Variants in VGLL3 observed in about 807,000 individuals in gnomAD.
VGLL3 encodes the protein transcription cofactor vestigial-like protein 3.
In VGLL3, 18 loss-of-function variants were observed where a neutral mutation model predicts 29.2. That is an observed-to-expected ratio of 0.62 (90% CI 0.43 to 0.91). The LOEUF is 0.91. Ranked by LOEUF, VGLL3 falls within the 40% of genes least tolerant of loss-of-function variation. VGLL3 has a pLI of 0.00. For synonymous variants in VGLL3, 180 were observed against 151.8 expected (o/e 1.19, Z -1.36); for missense variants, 440 against 413.2 (o/e 1.06, Z -0.56).
intron 1 of VGLL3, among the ~76,000 whole-genome samples, chr3:86,988,597 T>A (rs1216496508): frequency 8.7e-5 from 12 of 138,368 alleles, no homozygotes; most frequent in Non-Finnish European, 1.7e-4. Flanking sequence ...TTTTTTTTTT[T>A]ATTTCGTTAG....
At chr3:86,958,377 C>T (rs2106984881) in intron 3 of VGLL3, among the ~76,000 whole-genome samples, 1 of 152,290 alleles carries the variant, frequency 6.6e-6, no homozygotes, top group Admixed American at 6.5e-5. Flanking sequence ...ATGGCAGTTT[C>T]TCTTACCAAG....
In VGLL3 at chr3:86,991,041, C is replaced by G. The variant is rs937823922; in HGVS notation, c.-298G>C. On this transcript the variant is annotated 5_prime_UTR_variant, in exon 1 of 4. Transcript: ENST00000398399. ...GCCCGCTGCGCCGCTGGGGCATTACCGCGTCCGGCTCCCGCGAGGGCTGCG... is the reference window on the plus strand; with the variant it reads ...GCCCGCTGCGCCGCTGGGGCATTACGGCGTCCGGCTCCCGCGAGGGCTGCG... The G allele has an allele frequency of 8.8e-6, 6 of 678,408 alleles. No individual in the cohort carries two copies. The highest frequency in any genetic ancestry group is 6.6e-5 in the South Asian group (1 of 15,228). 42.0% of individuals were successfully genotyped at this position (678,408 alleles called of 1,614,324 possible).
chr3:86,990,622 T>C lies in VGLL3; in HGVS notation c.122A>G (p.Gln41Arg), dbSNP rs769121614. 7 of 1,357,466 alleles carry C rather than the reference T, an allele frequency of 5.2e-6. No individual in the cohort carries two copies. Among genetic ancestry groups the C allele is most frequent in the Non-Finnish European group, 6.7e-6 (7 of 1,045,898 alleles). The allele number at this position is 1,357,466 out of a possible 1,614,324, so 84.1% of individuals were successfully genotyped here. A position where few individuals can be genotyped will look rare whatever the true frequency, so the allele number is the denominator to read the frequency against. Residue 41 changes from glutamine (Q) to arginine (R), a missense_variant, in exon 1 of 4, where the codon CAG becomes CGG. Gln to Arg is a conservative substitution (Grantham distance 43). Transcript: ENST00000398399. Reference sequence around the variant, plus strand: ...GCTGCCCGTCCGGTGACTCACCTGCTGGCCAGGTTGGGGCGCCGGCTGATA... The same window carrying C: ...GCTGCCCGTCCGGTGACTCACCTGCCGGCCAGGTTGGGGCGCCGGCTGATA... The part of the protein sequence containing the change: ...AYYQPAPQPG[Q>R]QKKLAVFSKM...
intron 1 of VGLL3, among the ~76,000 whole-genome samples, chr3:86,981,583 T>C (rs1705324926): frequency 6.6e-6 from 1 of 152,014 alleles, no homozygotes; most frequent in Non-Finnish European, 1.5e-5. Context: ...TTAAAATATT[T>C]ATACTGATTC....
intron 2 of VGLL3, among the ~76,000 whole-genome samples, chr3:86,971,197 T>G (rs1332153486): frequency 6.6e-6 from 1 of 152,224 alleles, no homozygotes; most frequent in Non-Finnish European, 1.5e-5. Context: ...CATAGTTTTC[T>G]TGCCTCAGGG....
At chr3:86,976,976 C>T (rs986971617) in intron 2 of VGLL3, among the ~76,000 whole-genome samples, 1 of 152,156 alleles carries the variant, frequency 6.6e-6, no homozygotes, top group East Asian at 1.9e-4. Flanking sequence ...TTATTCATCA[C>T]GTCCTGTTAA....
At chr3:86,983,966 A>G (rs1021645095) in intron 1 of VGLL3, among the ~76,000 whole-genome samples, 1 of 152,212 alleles carries the variant, frequency 6.6e-6, no homozygotes, top group Non-Finnish European at 1.5e-5. Context: ...TTTACAAAGC[A>G]TGTACCCAGA....
intron 3 of VGLL3, among the ~76,000 whole-genome samples, chr3:86,947,561 G>C (rs1255748659): frequency 6.6e-6 from 1 of 152,054 alleles, no homozygotes; most frequent in East Asian, 1.9e-4. Flanking sequence ...TAAACTATGT[G>C]AGCAATTAGA....
intron 3 of VGLL3, among the ~76,000 whole-genome samples, chr3:86,949,575 T>C (rs903781547): frequency 4.6e-5 from 7 of 151,812 alleles, no homozygotes; most frequent in Admixed American, 3.9e-4. Flanking sequence ...GTCTGTAATC[T>C]CAGCACTTTG....
intron 3 of VGLL3, among the ~76,000 whole-genome samples, chr3:86,960,768 G>A (rs1373261135): frequency 6.6e-6 from 1 of 151,882 alleles, no homozygotes; most frequent in East Asian, 1.9e-4. Flanking sequence ...TTTGGGGCCA[G>A]CTCATATAAT....
Position 86,945,854 on chromosome 3 carries a change from A to G in VGLL3, c.*1170T>C, listed in dbSNP as rs753935838. 1 of 151,016 alleles carries G rather than the reference A, an allele frequency of 6.6e-6. No individual in the cohort carries two copies. The highest frequency in any genetic ancestry group is 1.5e-5 in the Non-Finnish European group (1 of 67,978). The allele number at this position is 151,016 out of a possible 1,614,324, so 9.4% of individuals were successfully genotyped here. ...GTTCTGTGTTGAAACTATTATATAT[A>G]GAACTGTTTGTTTGTTTGTTTGTTT... On this transcript the variant is annotated 3_prime_UTR_variant, in exon 4 of 4. Coordinates refer to ENST00000398399, the MANE Select transcript of VGLL3 (RefSeq NM_016206.4).
At position 86,941,518 on chromosome 3, in the gene VGLL3, A is replaced by C. The variant is rs1323843573; in HGVS notation, c.*5506T>G. 2 of 152,074 alleles carry C rather than the reference A, an allele frequency of 1.3e-5. No homozygotes were observed. The highest frequency in any genetic ancestry group is 2.9e-5 in the Non-Finnish European group (2 of 67,962). The allele number at this position is 152,074 out of a possible 1,614,324, so 9.4% of individuals were successfully genotyped here. On this transcript the variant is annotated 3_prime_UTR_variant, in exon 4 of 4. Coordinates refer to ENST00000398399, the MANE Select transcript of VGLL3 (RefSeq NM_016206.4). ...CTAAAAGGTGTCTGTTTGCTTATAC[A>C]ATGGAATTGGTAAAAGTACACTTAT...
At chr3:86,962,704 A>G in intron 3 of VGLL3, 5 of 801,186 alleles carry the variant, frequency 6.2e-6, no homozygotes, top group Non-Finnish European at 7.6e-6. Context: ...AAGAGAATTA[A>G]ACACACATTT....
chr3:86,978,439 C>T, intron 2 of VGLL3, 87 bp downstream of exon 2: 1 of 1,446,978 alleles, frequency 6.9e-7, no homozygotes, highest in East Asian at 2.3e-5. Flanking sequence ...TATCCATCCT[C>T]AGGGGCAAGT....
chr3:86,978,100 A>T (rs1460179358), intron 2 of VGLL3, among the ~76,000 whole-genome samples: 2 of 152,222 alleles, frequency 1.3e-5, no homozygotes, highest in Non-Finnish European at 2.9e-5. Context: ...ACAGCTTTCA[A>T]TGTCTGTATT....
chr3:86,954,878 C>T (rs542664924), intron 3 of VGLL3, among the ~76,000 whole-genome samples: 29 of 145,544 alleles, frequency 2.0e-4, no homozygotes, highest in Non-Finnish European at 3.7e-4. Flanking sequence ...CAGGCTTTCT[C>T]CCAGAACTGG....
chr3:86,988,670 A>G (rs1281828179), intron 1 of VGLL3, among the ~76,000 whole-genome samples: 8,330 of 45,782 alleles, frequency 0.18, 1,191 homozygotes, highest in African/African-American at 0.3. Flanking sequence ...AAAAAAAAAA[A>G]AAAAAAAAAA....
intron 3 of VGLL3, among the ~76,000 whole-genome samples, chr3:86,952,762 T>A (rs1013408303): frequency 6.6e-6 from 1 of 152,148 alleles, no homozygotes; most frequent in African/African-American, 2.4e-5. Flanking sequence ...TATTACAAAG[T>A]TAAATACATA....
intron 1 of VGLL3, among the ~76,000 whole-genome samples, chr3:86,987,159 C>T (rs1020660356): frequency 6.6e-6 from 1 of 152,054 alleles, no homozygotes; most frequent in Non-Finnish European, 1.5e-5. Flanking sequence ...GGCATTTCAG[C>T]CCTATAAAAA....
Sources: gnomAD v4.1 joint callset for allele counts (sites outside exome capture counted in the v4.1 genomes callset) on GRCh38, gnomAD v4.1.1 for gene constraint, MANE v1.5 for transcripts, NCBI Gene and HGNC (gene_info 2026-07-23, HGNC 2026-07-21) for gene names.